Variants in MSN observed in about 807,000 individuals in gnomAD.
MSN encodes the protein moesin.
Under a neutral mutation model 48.0 loss-of-function variants are expected in MSN, and 2 were observed. The observed-to-expected ratio is 0.04, with a 90% CI of 0.02 to 0.13. The LOEUF is 0.13. Among genes scored for constraint, MSN ranks in the 10% least tolerant of loss-of-function variants. The probability of loss-of-function intolerance (pLI) is 1.00; values close to 1 mark genes in which losing one functional copy is unlikely to be tolerated. For synonymous variants in MSN, 146 were observed against 166.9 expected, an observed-to-expected ratio of 0.87 and a Z score of 0.97; for missense variants, 267 against 470.1, an observed-to-expected ratio of 0.57 and a Z score of 3.99.
At chrX:65,710,537 G>T (rs187189575) in intron 1 of MSN, among the ~76,000 whole-genome samples, 60 of 110,860 alleles carry the variant, frequency 5.4e-4, no homozygotes, top group African/African-American at 2.0e-3. Context: ...TTGTAATTTA[G>T]CCATTTGTTC....
At chrX:65,647,490 C>T (rs989753483) in intron 1 of MSN, among the ~76,000 whole-genome samples, 3 of 112,616 alleles carry the variant, frequency 2.7e-5, no homozygotes, top group South Asian at 3.6e-4. Context: ...GGATTACAGG[C>T]GTAAGCCACT....
chrX:65,636,219 A>G (rs2070598234), intron 1 of MSN, among the ~76,000 whole-genome samples: 1 of 111,314 alleles, frequency 9.0e-6, no homozygotes, highest in South Asian at 3.8e-4. Flanking sequence ...TCAAGTTTTC[A>G]CTAGTTTCCC....
At chrX:65,708,242 C>T (rs1464967711) in intron 1 of MSN, among the ~76,000 whole-genome samples, 5 of 111,387 alleles carry the variant, frequency 4.5e-5, no homozygotes, top group African/African-American at 1.3e-4. Context: ...TTGATATATA[C>T]AATATATAGT....
intron 1 of MSN, among the ~76,000 whole-genome samples, chrX:65,597,333 G>C (rs2148349621): frequency 9.2e-6 from 1 of 108,594 alleles, no homozygotes; most frequent in Admixed American, 9.9e-5. Context: ...ACAGATGTGA[G>C]CCACCTGGCC....
intron 1 of MSN, among the ~76,000 whole-genome samples, chrX:65,680,236 G>T (rs1044649413): frequency 8.9e-6 from 1 of 111,835 alleles, no homozygotes. Context: ...GAGAAATTGT[G>T]TATAAATTCA....
intron 1 of MSN, among the ~76,000 whole-genome samples, chrX:65,660,628 G>A (rs1277204480): frequency 1.9e-5 from 2 of 104,718 alleles, no homozygotes; most frequent in African/African-American, 7.0e-5. Flanking sequence ...GTGCAGTGGC[G>A]CCGTCTCGGC....
chrX:65,644,775 A>G (rs1310676842), intron 1 of MSN, among the ~76,000 whole-genome samples: 1 of 111,783 alleles, frequency 8.9e-6, no homozygotes, highest in Admixed American at 9.5e-5. Context: ...CAGAGGAGGC[A>G]GACAACATGG....
At chrX:65,717,250 G>A (rs2071475441) in intron 2 of MSN, among the ~76,000 whole-genome samples, 2 of 112,150 alleles carry the variant, frequency 1.8e-5, no homozygotes, top group South Asian at 7.5e-4. Flanking sequence ...AGGCTCAGAA[G>A]TTAAATAACT....
chrX:65,735,696 T>C (rs1383792108), intron 8 of MSN, among the ~76,000 whole-genome samples: 2 of 112,326 alleles, frequency 1.8e-5, no homozygotes, highest in Non-Finnish European at 3.8e-5. Context: ...TATACATAAC[T>C]CAAGGTACAA....
chrX:65,627,695 A>G, intron 1 of MSN, among the ~76,000 whole-genome samples: 1 of 110,940 alleles, frequency 9.0e-6, no homozygotes, highest in South Asian at 3.8e-4. Flanking sequence ...TTTCAAAACC[A>G]ATCATACCTT....
At chrX:65,589,609 G>A (rs1295010069) in intron 1 of MSN, 2 of 112,595 alleles carry the variant, frequency 1.8e-5, no homozygotes, top group Admixed American at 9.3e-5. Context: ...AGGCAGGAGG[G>A]TCATGTCCTA....
chrX:65,674,128 C>CT (rs772068351), intron 1 of MSN, among the ~76,000 whole-genome samples: 1 of 111,334 alleles, frequency 9.0e-6, no homozygotes, highest in South Asian at 3.8e-4. Flanking sequence ...TTTGCTTTGG[C>CT]TTGTGACGGG....
intron 1 of MSN, among the ~76,000 whole-genome samples, chrX:65,670,158 A>G (rs974637260): frequency 8.9e-6 from 1 of 111,818 alleles, no homozygotes; most frequent in South Asian, 3.7e-4. Flanking sequence ...TACTTTTCTT[A>G]TTCCTCATAC....
chrX:65,696,118 T>A (rs2071235628), intron 1 of MSN, among the ~76,000 whole-genome samples: 3 of 111,048 alleles, frequency 2.7e-5, no homozygotes, highest in Non-Finnish European at 3.8e-5. Flanking sequence ...ACAGTCCACT[T>A]TAATTACCTC....
intron 8 of MSN, among the ~76,000 whole-genome samples, chrX:65,736,530 C>A (rs1443980907): frequency 3.7e-5 from 4 of 108,421 alleles, no homozygotes; most frequent in Non-Finnish European, 7.7e-5. Flanking sequence ...CGCCTCCTGT[C>A]TTCAAGCAAT....
chrX:65,644,577 A>G (rs1010852256), intron 1 of MSN, among the ~76,000 whole-genome samples: 12 of 112,242 alleles, frequency 1.1e-4, no homozygotes, highest in Non-Finnish European at 1.9e-4. Context: ...ACAAAGAAAA[A>G]AGGAAGCTCA....
intron 8 of MSN, 42 bp from the exon 9 acceptor site, chrX:65,736,753 A>T: frequency 2.6e-6 from 3 of 1,152,502 alleles, no homozygotes; most frequent in Non-Finnish European, 3.5e-6. Flanking sequence ...GCTTTTGTGG[A>T]GCGTTGTTAT....
chrX:65,709,882 G>C (rs983206395), intron 1 of MSN, among the ~76,000 whole-genome samples: 5 of 111,976 alleles, frequency 4.5e-5, no homozygotes, highest in Admixed American at 3.8e-4. Context: ...CAAAAAGCCT[G>C]GTTCTGATTG....
chrX:65,636,465 G>T (rs1472983167), intron 1 of MSN, among the ~76,000 whole-genome samples: 2 of 111,008 alleles, frequency 1.8e-5, no homozygotes, highest in Non-Finnish European at 3.8e-5. Flanking sequence ...GGCTGGGTGT[G>T]GTGGCTCATG....
Sources: gnomAD v4.1 joint callset for allele counts (sites outside exome capture counted in the v4.1 genomes callset) on GRCh38, gnomAD v4.1.1 for gene constraint, MANE v1.5 for transcripts, NCBI Gene and HGNC (gene_info 2026-07-23, HGNC 2026-07-21) for gene names.